The following UBE2V1 variants were observed in gnomAD, a reference collection of about 807,000 sequenced individuals.
The protein encoded by UBE2V1 is ubiquitin conjugating enzyme E2 V1.
Under a neutral mutation model 19.6 loss-of-function variants are expected in UBE2V1, and 15 were observed. The observed-to-expected ratio is 0.77, with a 90% CI of 0.51 to 1.18. The LOEUF (loss-of-function observed/expected upper bound fraction) is 1.18. Among genes scored for constraint, UBE2V1 ranks in the 50% most tolerant of loss-of-function variants. The probability of loss-of-function intolerance (pLI) is 0.00; values close to 1 mark genes in which losing one functional copy is unlikely to be tolerated. For missense variants in UBE2V1, 125 were observed against 184.8 expected, an observed-to-expected ratio of 0.68 and a Z score of 1.88; for synonymous variants, 60 against 60.7, an observed-to-expected ratio of 0.99 and a Z score of 0.05.
At chr20:50,094,921 C>T (rs1266059968) in intron 2 of UBE2V1, 1 of 152,126 alleles carries the variant, frequency 6.6e-6, no homozygotes, top group Non-Finnish European at 1.5e-5. Flanking sequence ...CCTGGCATAC[C>T]GTAGCTACGC....
chr20:50,102,508 G>T (rs1312373896), intron 1 of UBE2V1, among the ~76,000 whole-genome samples: 1 of 152,102 alleles, frequency 6.6e-6, no homozygotes, highest in Non-Finnish European at 1.5e-5. Context: ...TTAAAAGACA[G>T]GTCAGAGTAA....
chr20:50,099,451 T>C (rs576279794), intron 1 of UBE2V1, among the ~76,000 whole-genome samples: 5 of 152,360 alleles, frequency 3.3e-5, no homozygotes, highest in East Asian at 3.9e-4. Flanking sequence ...CAGAACAAGA[T>C]GTTAACAGCT....
At chr20:50,096,464 TA>T in intron 2 of UBE2V1, 2 of 1,324,872 alleles carry the variant, frequency 1.5e-6, no homozygotes, top group Non-Finnish European at 1.0e-6. Context: ...ACTATGAGTC[TA>T]AACAGGTTTT....
upstream of UBE2V1, chr20:50,115,339 G>T: frequency 7.4e-7 from 1 of 1,342,902 alleles, no homozygotes; most frequent in African/African-American, 1.5e-5. Flanking sequence ...TGCCAGCACT[G>T]GCTACAGGTG....
chr20:50,094,181 T>C (rs2079449934), intron 2 of UBE2V1, among the ~76,000 whole-genome samples: 1 of 88,538 alleles, frequency 1.1e-5, no homozygotes, highest in African/African-American at 5.6e-5. Flanking sequence ...ACATATCATA[T>C]ATGTTATATA....
chr20:50,086,031 C>A (rs557891849), intron 2 of UBE2V1, among the ~76,000 whole-genome samples: 25 of 152,160 alleles, frequency 1.6e-4, no homozygotes, highest in African/African-American at 6.0e-4. Flanking sequence ...TCTCTTGCTC[C>A]CGGCACAGCA....
Position 50,084,240 on chromosome 20 carries a change from G to C in UBE2V1, c.186C>G (p.Asn62Lys). 1 of 1,610,506 alleles carries C rather than the reference G, an allele frequency of 6.2e-7. No homozygotes were observed. Among genetic ancestry groups the C allele is most frequent in the Non-Finnish European group, 8.5e-7 (1 of 1,177,468 alleles). The part of the protein sequence containing the change: ...IIGPPRTIYE[N>K]RIYSLKIECG... The stretch of plus-strand genomic sequence containing the variant: ...ATTCTATTTTAAGGCTGTATATTCG[G>C]TTTTCATAAATTGTCTGGAAAAAAA... The change falls in exon 3 of 4, where the codon AAC (asparagine) becomes AAG (lysine). Residue 62 changes from asparagine (N) to lysine (K), a missense_variant. Coordinates refer to ENST00000371674, the MANE Select transcript of UBE2V1 (RefSeq NM_001032288.3).
chr20:50,103,055 C>T (rs1390509386), intron 1 of UBE2V1, among the ~76,000 whole-genome samples: 1 of 152,180 alleles, frequency 6.6e-6, no homozygotes, highest in African/African-American at 2.4e-5. Flanking sequence ...CATTGCCACT[C>T]GACATTGTAA....
chr20:50,096,429 T>A, intron 2 of UBE2V1: 1 of 933,642 alleles, frequency 1.1e-6, no homozygotes, highest in Non-Finnish European at 1.6e-6. Flanking sequence ...CACACCTCAC[T>A]GTCTACATTG....
chr20:50,099,004 T>G (rs534077481), intron 1 of UBE2V1: 499 of 981,914 alleles, frequency 5.1e-4, no homozygotes, highest in Middle Eastern at 3.1e-3. Context: ...GGTGACATTA[T>G]AGGCAAAAAG....
chr20:50,103,526 C>T (rs910188880), intron 1 of UBE2V1, among the ~76,000 whole-genome samples: 4 of 152,150 alleles, frequency 2.6e-5, no homozygotes, highest in Admixed American at 2.0e-4. Flanking sequence ...GCACCTCAGC[C>T]TCCCAAGTAG....
At chr20:50,106,872 AAC>A (rs66930472) in intron 1 of UBE2V1, among the ~76,000 whole-genome samples, 13,520 of 104,536 alleles carry the variant, frequency 0.13, 669 homozygotes, top group African/African-American at 0.19. Flanking sequence ...CAACAACAAC[AAC>A]AAAAAAAAAA....
intron 2 of UBE2V1, among the ~76,000 whole-genome samples, chr20:50,090,678 A>C (rs903636253): frequency 8.5e-5 from 13 of 152,208 alleles, no homozygotes; most frequent in South Asian, 4.1e-4. Context: ...ATACTGGTCA[A>C]AGGGCACAAA....
upstream of UBE2V1, chr20:50,114,953 C>G (rs975449317): frequency 4.6e-5 from 7 of 152,192 alleles, no homozygotes; most frequent in African/African-American, 1.7e-4. Flanking sequence ...GTAATCCCAG[C>G]TACTCGGGAG....
chr20:50,094,067 TA>T (rs2079434674), intron 2 of UBE2V1, among the ~76,000 whole-genome samples: 1 of 128,702 alleles, frequency 7.8e-6, no homozygotes, highest in East Asian at 2.0e-4. Context: ...ATGTATGTTA[TA>T]TATATAATAT....
chr20:50,113,341 C>G, upstream of UBE2V1: 1 of 389,614 alleles, frequency 2.6e-6, no homozygotes. Flanking sequence ...CTGCAAGTCC[C>G]CACACATCGG....
chr20:50,090,766 G>A (rs1236332250), intron 2 of UBE2V1, among the ~76,000 whole-genome samples: 3 of 152,196 alleles, frequency 2.0e-5, no homozygotes, highest in African/African-American at 7.2e-5. Flanking sequence ...TTGTTTACTT[G>A]AAATTTGGTA....
upstream of UBE2V1, chr20:50,115,841 G>C (rs1196435599): frequency 6.0e-6 from 2 of 335,096 alleles, no homozygotes; most frequent in South Asian, 2.8e-4. Flanking sequence ...TTTTATCTAT[G>C]GTGCCCGTAA....
intron 1 of UBE2V1, among the ~76,000 whole-genome samples, chr20:50,097,601 C>G (rs1036858446): frequency 6.6e-6 from 1 of 152,154 alleles, no homozygotes; most frequent in African/African-American, 2.4e-5. Context: ...GAGAGATGGA[C>G]TTTCCTTCTG....
Sources: allele counts gnomAD v4.1 joint callset (sites outside exome capture counted in the v4.1 genomes callset), GRCh38; gene constraint gnomAD v4.1.1; transcripts MANE v1.5; gene names NCBI Gene and HGNC (gene_info 2026-07-23, HGNC 2026-07-21).